The following GSG1L variants were observed in gnomAD, a reference collection of about 807,000 sequenced individuals.
The protein encoded by GSG1L is germ cell-specific gene 1-like protein.
Under a neutral mutation model 42.1 loss-of-function variants are expected in GSG1L, and 24 were observed. The observed-to-expected ratio is 0.57, with a 90% CI of 0.41 to 0.80. GSG1L has a LOEUF of 0.80. Ranked by LOEUF, GSG1L falls within the 30% of genes least tolerant of loss-of-function variation. The pLI is 0.00. For synonymous variants in GSG1L, 215 were observed against 203.5 expected (o/e 1.06, Z -0.48); for missense variants, 445 against 472.2 (o/e 0.94, Z 0.53).
chr16:27,896,921 T>TG (rs1055653316), intron 2 of GSG1L, among the ~76,000 whole-genome samples: 1 of 152,248 alleles, frequency 6.6e-6, no homozygotes, highest in Non-Finnish European at 1.5e-5. Flanking sequence ...TGGAGTGCAG[T>TG]GGCACGATCT....
chr16:28,046,244 C>T (rs908895541), intron 1 of GSG1L, among the ~76,000 whole-genome samples: 12 of 151,766 alleles, frequency 7.9e-5, no homozygotes, highest in African/African-American at 2.9e-4. Flanking sequence ...GGAGTCTGTG[C>T]CCAGCCACGA....
At chr16:27,959,011 C>T (rs185884889) in intron 2 of GSG1L, among the ~76,000 whole-genome samples, 4 of 151,774 alleles carry the variant, frequency 2.6e-5, no homozygotes, top group Non-Finnish European at 5.9e-5. Flanking sequence ...TGTGTATAAT[C>T]GTGATACTGT....
chr16:27,811,912 A>G (rs1376357770), intron 5 of GSG1L, among the ~76,000 whole-genome samples: 3 of 152,080 alleles, frequency 2.0e-5, no homozygotes, highest in African/African-American at 4.8e-5. Context: ...CAGCCTCCCA[A>G]TGTGCTGGGA....
chr16:27,896,686 G>C (rs2084195489), intron 2 of GSG1L, among the ~76,000 whole-genome samples: 1 of 152,222 alleles, frequency 6.6e-6, no homozygotes, highest in South Asian at 2.1e-4. Flanking sequence ...ATGACAGGGA[G>C]ACAGGAGGGT....
intron 5 of GSG1L, among the ~76,000 whole-genome samples, chr16:27,816,013 G>T (rs532894264): frequency 5.5e-4 from 84 of 152,206 alleles, no homozygotes; most frequent in African/African-American, 1.9e-3. Context: ...TTTAGAGCAG[G>T]ACTGAGAACA....
At chr16:27,990,820 C>T (rs4788022) in intron 1 of GSG1L, among the ~76,000 whole-genome samples, 119,473 of 152,198 alleles carry the variant, frequency 0.78, 47,380 homozygotes, top group African/African-American at 0.89. Flanking sequence ...GCATGTTTTG[C>T]AATCCTTTGG....
At chr16:27,919,121 G>A (rs1196836131) in intron 2 of GSG1L, among the ~76,000 whole-genome samples, 1 of 152,180 alleles carries the variant, frequency 6.6e-6, no homozygotes, top group South Asian at 2.1e-4. Context: ...CCAGAGATGA[G>A]TGCAACTTGC....
chr16:27,909,054 T>A (rs2084351198), intron 2 of GSG1L, among the ~76,000 whole-genome samples: 1 of 152,106 alleles, frequency 6.6e-6, no homozygotes, highest in Non-Finnish European at 1.5e-5. Context: ...CATTTAACAT[T>A]TCTAAACCTG....
intron 3 of GSG1L, among the ~76,000 whole-genome samples, chr16:27,874,129 T>G (rs1381550965): frequency 6.6e-6 from 1 of 152,136 alleles, no homozygotes; most frequent in African/African-American, 2.4e-5. Context: ...CTTGTCCCTG[T>G]TTCAGGAGGG....
intron 2 of GSG1L, among the ~76,000 whole-genome samples, chr16:27,938,608 T>C (rs2084747906): frequency 6.6e-6 from 1 of 151,972 alleles, no homozygotes; most frequent in African/African-American, 2.4e-5. Context: ...GGTCATCAGG[T>C]TATTGTCAGG....
intron 1 of GSG1L, among the ~76,000 whole-genome samples, chr16:27,973,178 G>A (rs192901175): frequency 3.3e-5 from 5 of 152,078 alleles, no homozygotes; most frequent in African/African-American, 9.7e-5. Flanking sequence ...GGCCAGGTGC[G>A]GTGGCTCATG....
At chr16:28,013,569 C>CA (rs2085748515) in intron 1 of GSG1L, among the ~76,000 whole-genome samples, 1 of 152,154 alleles carries the variant, frequency 6.6e-6, no homozygotes, top group Non-Finnish European at 1.5e-5. Flanking sequence ...ACTGTACGTC[C>CA]ACACATGGGC....
At chr16:27,944,946 G>A (rs558904275) in intron 2 of GSG1L, among the ~76,000 whole-genome samples, 4 of 151,194 alleles carry the variant, frequency 2.6e-5, no homozygotes, top group South Asian at 2.1e-4. Context: ...GCATCGTGGC[G>A]TGTACCTGTA....
intron 1 of GSG1L, among the ~76,000 whole-genome samples, chr16:28,030,042 A>G (rs1326979464): frequency 6.6e-6 from 1 of 152,260 alleles, no homozygotes; most frequent in Non-Finnish European, 1.5e-5. Context: ...GGAGGGCCAG[A>G]GAAGGGCCTC....
At chr16:27,918,224 C>T (rs1020053332) in intron 2 of GSG1L, among the ~76,000 whole-genome samples, 3 of 152,174 alleles carry the variant, frequency 2.0e-5, no homozygotes, top group African/African-American at 7.2e-5. Context: ...GGGTCTCCTG[C>T]TTCAACCTCA....
chr16:28,060,310 T>C lies in GSG1L; in HGVS notation c.349+2766A>G, dbSNP rs557361727. Among the ~76,000 whole-genome samples, 74 of 152,182 alleles carry C rather than the reference T, an allele frequency of 4.9e-4. 1 individual carries two copies. In the South Asian group the frequency reaches 0.015, roughly 31 times the overall value. On this transcript the variant is annotated intron_variant, in intron 1 of 6. Coordinates refer to ENST00000447459, the MANE Select transcript of GSG1L (RefSeq NM_001109763.2). The stretch of plus-strand genomic sequence containing the variant: ...AGGCCAGGTACTTGCTATCACCCTT[T>C]CAGGACCACCGTGGTGGAGAAGGCA...
At chr16:28,007,331 C>A (rs75050680) in intron 1 of GSG1L, among the ~76,000 whole-genome samples, 22,939 of 152,090 alleles carry the variant, frequency 0.15, 2,140 homozygotes, top group East Asian at 0.42. Flanking sequence ...CAGGAGATAC[C>A]AGACAAGGAG....
chr16:27,960,026 G>T (rs1462620740), intron 2 of GSG1L, among the ~76,000 whole-genome samples: 1 of 149,132 alleles, frequency 6.7e-6, no homozygotes, highest in Non-Finnish European at 1.5e-5. Flanking sequence ...GGAGGGAGAG[G>T]GTAGGTGAGC....
At chr16:27,893,124 A>G (rs1436493466) in intron 2 of GSG1L, among the ~76,000 whole-genome samples, 3 of 152,198 alleles carry the variant, frequency 2.0e-5, no homozygotes, top group Non-Finnish European at 2.9e-5. Context: ...GCGGCAGAGA[A>G]CAGGTGACCT....
Sources: gnomAD v4.1 joint callset for allele counts (sites outside exome capture counted in the v4.1 genomes callset) on GRCh38, gnomAD v4.1.1 for gene constraint, MANE v1.5 for transcripts, NCBI Gene and HGNC (gene_info 2026-07-23, HGNC 2026-07-21) for gene names.